ZFHX3: variants seen among roughly 807,000 people sequenced by gnomAD.
The protein encoded by ZFHX3 is zinc finger homeobox protein 3.
ZFHX3 carries 42 observed loss-of-function variants against 279.1 expected under a neutral mutation model. The ratio of observed to expected loss-of-function variants is 0.15; its 90% CI spans 0.12 to 0.19. ZFHX3 has a LOEUF of 0.19. Ranked by LOEUF, ZFHX3 falls within the 10% of genes least tolerant of loss-of-function variation. ZFHX3 has a pLI of 1.00. For missense variants in ZFHX3, 4,981 were observed against 4,754.0 expected, an observed-to-expected ratio of 1.05 and a Z score of -1.40; for synonymous variants, 2,293 against 1,957.8, an observed-to-expected ratio of 1.17 and a Z score of -4.52.
intron 2 of ZFHX3, among the ~76,000 whole-genome samples, chr16:73,560,739 C>T (rs1405305977): frequency 6.6e-6 from 1 of 152,164 alleles, no homozygotes; most frequent in Non-Finnish European, 1.5e-5. Flanking sequence ...TCTCCATAAT[C>T]AGGAGATGGG....
intron 2 of ZFHX3, among the ~76,000 whole-genome samples, chr16:73,636,038 C>A (rs750108794): frequency 1.2e-4 from 18 of 152,050 alleles, no homozygotes; most frequent in Non-Finnish European, 1.9e-4. Context: ...TATTTTCGCT[C>A]CTCACCCTGT....
At chr16:73,566,421 G>A (rs1459969506) in intron 2 of ZFHX3, among the ~76,000 whole-genome samples, 2 of 152,166 alleles carry the variant, frequency 1.3e-5, no homozygotes, top group Non-Finnish European at 2.9e-5. Flanking sequence ...TGAAATCAAG[G>A]TATCAACCGG....
At chr16:73,363,754 G>C (rs769621953) in intron 3 of ZFHX3, among the ~76,000 whole-genome samples, 1 of 151,970 alleles carries the variant, frequency 6.6e-6, no homozygotes, top group Admixed American at 6.5e-5. Context: ...TTTGCATTTC[G>C]CACTATGCTC....
At chr16:73,779,254 A>T (rs1490766249) in intron 1 of ZFHX3, among the ~76,000 whole-genome samples, 1 of 152,206 alleles carries the variant, frequency 6.6e-6, no homozygotes, top group Non-Finnish European at 1.5e-5. Context: ...TTCAAAGACC[A>T]CCACAGTAAA....
At chr16:73,300,236 C>T (rs2015020107) in intron 4 of ZFHX3, among the ~76,000 whole-genome samples, 1 of 142,352 alleles carries the variant, frequency 7.0e-6, no homozygotes, top group Non-Finnish European at 1.5e-5. Flanking sequence ...GCACACTAGC[C>T]TGGGTGACAG....
At chr16:73,052,079 T>G (rs1199591387), upstream of ZFHX3, among the ~76,000 whole-genome samples, 2 of 151,992 alleles carry the variant, frequency 1.3e-5, no homozygotes, top group African/African-American at 4.8e-5. Flanking sequence ...GTCTGACACA[T>G]CCCTTTACAG....
At chr16:73,362,716 T>G (rs548255195) in intron 3 of ZFHX3, among the ~76,000 whole-genome samples, 1 of 152,192 alleles carries the variant, frequency 6.6e-6, no homozygotes, top group Non-Finnish European at 1.5e-5. Context: ...CATGACTGTA[T>G]AGTTATGAAG....
intron 4 of ZFHX3, among the ~76,000 whole-genome samples, chr16:73,308,460 T>G (rs1316908332): frequency 6.6e-6 from 1 of 151,610 alleles, no homozygotes; most frequent in Non-Finnish European, 1.5e-5. Context: ...CTGGCTAATT[T>G]TTGTAATTTT....
chr16:73,403,766 G>A (rs1004393950), intron 3 of ZFHX3, among the ~76,000 whole-genome samples: 1 of 152,192 alleles, frequency 6.6e-6, no homozygotes, highest in African/African-American at 2.4e-5. Context: ...AGTGAGCAGT[G>A]TTTGTCTCCG....
At chr16:73,622,565 A>AAAAGAAAGAAAGAAAG (rs143963139) in intron 2 of ZFHX3, among the ~76,000 whole-genome samples, 15 of 151,290 alleles carry the variant, frequency 9.9e-5, no homozygotes, top group African/African-American at 3.4e-4. Context: ...CTGTCTCCAA[A>AAAAGAAAGAAAGAAAG]AAAGAAAGAA....
At chr16:73,022,852 C>A (rs1964353200) in intron 1 of ZFHX3, among the ~76,000 whole-genome samples, 2 of 152,044 alleles carry the variant, frequency 1.3e-5, no homozygotes, top group Admixed American at 6.5e-5. Flanking sequence ...CCCTGAAGAC[C>A]CAAAATGGCC....
chr16:73,218,170 C>T (rs2012280975), intron 5 of ZFHX3, among the ~76,000 whole-genome samples: 1 of 152,134 alleles, frequency 6.6e-6, no homozygotes, highest in African/African-American at 2.4e-5. Context: ...TATTTATTGA[C>T]ATTAGGAGGC....
chr16:72,959,672 C>A lies in ZFHX3; in HGVS notation c.474G>T (p.Gly158=), dbSNP rs1269541524. The change falls in exon 2 of 10, where the codon GGG becomes GGT. Residue 158 remains glycine, a synonymous_variant. Coordinates refer to ENST00000268489, the MANE Select transcript of ZFHX3 (RefSeq NM_006885.4). The part of the protein sequence containing the change: ...SQLTQGGGAC[G]SGSGSGPLPS... ...GGAGAGGCCCACTGCCACTGCCACTCCCACAGGCGCCCCCGCCCTGGGTCA... is the reference window on the plus strand; with the variant it reads ...GGAGAGGCCCACTGCCACTGCCACTACCACAGGCGCCCCCGCCCTGGGTCA... The A allele has an allele frequency of 2.5e-6, 4 of 1,613,770 alleles. No individual in the cohort carries two copies. The highest frequency in any genetic ancestry group is 1.6e-4 in the Middle Eastern group (1 of 6,084).
intron 1 of ZFHX3, among the ~76,000 whole-genome samples, chr16:73,760,977 G>A (rs1185205500): frequency 7.1e-6 from 1 of 141,750 alleles, no homozygotes; most frequent in African/African-American, 2.7e-5. Context: ...CTCTGGCCAG[G>A]GCAATCAGGC....
chr16:73,734,260 G>C (rs1379468476), intron 1 of ZFHX3, among the ~76,000 whole-genome samples: 1 of 152,134 alleles, frequency 6.6e-6, no homozygotes. Flanking sequence ...CCAGGGTTAG[G>C]GGATGGACTT....
At chr16:73,259,518 A>T (rs1258959476) in intron 4 of ZFHX3, among the ~76,000 whole-genome samples, 1 of 152,200 alleles carries the variant, frequency 6.6e-6, no homozygotes, top group African/African-American at 2.4e-5. Context: ...AGTAGTAATA[A>T]ATTCTCCTGG....
intron 3 of ZFHX3, among the ~76,000 whole-genome samples, chr16:73,354,885 A>C (rs2016310526): frequency 6.6e-6 from 1 of 152,164 alleles, no homozygotes; most frequent in African/African-American, 2.4e-5. Flanking sequence ...CCTCTCTCTT[A>C]GCCCTAAATG....
At chr16:73,543,943 AAG>A (rs1197816225) in intron 2 of ZFHX3, 1 of 151,724 alleles carries the variant, frequency 6.6e-6, no homozygotes, top group African/African-American at 2.4e-5. Flanking sequence ...AGAAAGGTAC[AAG>A]AGAGAGAAGG....
At chr16:73,747,308 T>G (rs566642904) in intron 1 of ZFHX3, among the ~76,000 whole-genome samples, 4 of 152,266 alleles carry the variant, frequency 2.6e-5, no homozygotes, top group African/African-American at 9.6e-5. Context: ...TGCTTGAGCC[T>G]GGGAGGTTGA....
Sources: gnomAD v4.1 joint callset for allele counts (sites outside exome capture counted in the v4.1 genomes callset) on GRCh38, gnomAD v4.1.1 for gene constraint, MANE v1.5 for transcripts, NCBI Gene and HGNC (gene_info 2026-07-23, HGNC 2026-07-21) for gene names.